The following SNX10 variants were observed in gnomAD, a reference collection of about 807,000 sequenced individuals.
The protein encoded by SNX10 is sorting nexin-10.
A neutral mutation model predicts 28.5 loss-of-function variants in SNX10; 25 were observed. The ratio of observed to expected loss-of-function variants is 0.88; its 90% CI spans 0.64 to 1.22. The LOEUF is 1.22. SNX10 is among the 50% of genes most tolerant of loss of function. The pLI, the probability that SNX10 is intolerant of heterozygous loss-of-function variation, is 0.00. For synonymous variants in SNX10, 62 were observed against 81.4 expected (o/e 0.76, Z 1.28); for missense variants, 223 against 242.6 (o/e 0.92, Z 0.54).
chr7:26,297,773 C>T (rs1017000037), intron 1 of SNX10, among the ~76,000 whole-genome samples: 2 of 152,114 alleles, frequency 1.3e-5, no homozygotes, highest in African/African-American at 2.4e-5. Flanking sequence ...ATGGCTGCAC[C>T]TCTGCCGCCT....
At chr7:26,296,460 G>T (rs1786116250) in intron 1 of SNX10, among the ~76,000 whole-genome samples, 1 of 152,150 alleles carries the variant, frequency 6.6e-6, no homozygotes, top group African/African-American at 2.4e-5. Context: ...AGGCTGCAGT[G>T]AGCCATGATC....
chr7:26,332,286 G>A (rs1350800353), intron 1 of SNX10, among the ~76,000 whole-genome samples: 1 of 152,204 alleles, frequency 6.6e-6, no homozygotes, highest in African/African-American at 2.4e-5. Flanking sequence ...ACTAGTAGGA[G>A]TAGAGTGGTA....
At chr7:26,292,764 A>C (rs1785976170) in intron 1 of SNX10, among the ~76,000 whole-genome samples, 1 of 152,252 alleles carries the variant, frequency 6.6e-6, no homozygotes, top group Non-Finnish European at 1.5e-5. Context: ...TGATGGTATC[A>C]GAAAATTAGA....
intron 2 of SNX10, among the ~76,000 whole-genome samples, chr7:26,355,166 G>T (rs1210272376): frequency 6.7e-6 from 1 of 150,342 alleles, no homozygotes; most frequent in Non-Finnish European, 1.5e-5. Flanking sequence ...TCTCCCTCTG[G>T]GTTTTCTGTT....
At position 26,305,567 on chromosome 7, in the gene SNX10, G is replaced by A. The variant is rs79349047; in HGVS notation, c.-24+13481G>A. Among the ~76,000 whole-genome samples, 94 of 152,226 alleles carry A rather than the reference G, an allele frequency of 6.2e-4. 1 individual carries two copies. In the East Asian group the frequency reaches 0.018, roughly 29 times the overall value. On this transcript the variant is annotated intron_variant, in intron 1 of 6. Transcript: ENST00000338523. ...TCTGGAATCTCACAGCAAACAACTT[G>A]GGGTCTCTTCATCAGCTTGTCTGCA...
intron 1 of SNX10, among the ~76,000 whole-genome samples, chr7:26,301,506 C>G (rs997928745): frequency 6.6e-6 from 1 of 152,004 alleles, no homozygotes; most frequent in Non-Finnish European, 1.5e-5. Flanking sequence ...GAGGGGGAAC[C>G]AAAGGGGGCA....
At chr7:26,315,027 A>G (rs1787020219) in intron 1 of SNX10, among the ~76,000 whole-genome samples, 1 of 140,288 alleles carries the variant, frequency 7.1e-6, no homozygotes, top group Admixed American at 7.2e-5. Flanking sequence ...CAAGGAAGGG[A>G]CTAGAAAGCA....
chr7:26,361,166 G>T, intron 3 of SNX10, 105 bp downstream of exon 3: 1 of 1,092,796 alleles, frequency 9.2e-7, no homozygotes. Flanking sequence ...TCAAATAACT[G>T]AATTTGAATG....
At chr7:26,358,812 T>TTTTTTTTG (rs1562817102) in intron 2 of SNX10, among the ~76,000 whole-genome samples, 2 of 146,130 alleles carry the variant, frequency 1.4e-5, no homozygotes, top group African/African-American at 5.2e-5. Context: ...TGTGTTTTTT[T>TTTTTTTTG]TTTTTTTTTT....
chr7:26,355,008 T>A (rs1788761967), intron 2 of SNX10, among the ~76,000 whole-genome samples: 2 of 152,216 alleles, frequency 1.3e-5, no homozygotes, highest in African/African-American at 2.4e-5. Context: ...GTGTTGATTT[T>A]TGTATAAGGT....
intron 1 of SNX10, among the ~76,000 whole-genome samples, chr7:26,311,279 A>G (rs1481440069): frequency 6.6e-6 from 1 of 152,182 alleles, no homozygotes; most frequent in Non-Finnish European, 1.5e-5. Flanking sequence ...CCTCCCAAGT[A>G]GCTGGGACTA....
chr7:26,333,316 T>G (rs1178997846), intron 1 of SNX10, among the ~76,000 whole-genome samples: 2 of 148,718 alleles, frequency 1.3e-5, no homozygotes, highest in African/African-American at 5.0e-5. Flanking sequence ...TCCTAGGTAT[T>G]TTATTCTTTT....
At chr7:26,294,645 T>C (rs554869519) in intron 1 of SNX10, among the ~76,000 whole-genome samples, 2 of 152,326 alleles carry the variant, frequency 1.3e-5, no homozygotes, top group East Asian at 3.9e-4. Flanking sequence ...TATTTATGAT[T>C]TCTCTAAACT....
At chr7:26,340,744 T>G (rs1488319455) in intron 1 of SNX10, among the ~76,000 whole-genome samples, 9 of 152,224 alleles carry the variant, frequency 5.9e-5, no homozygotes, top group Non-Finnish European at 2.9e-5. Context: ...TGTTGTTTGA[T>G]GTGGTTGTGC....
intron 1 of SNX10, among the ~76,000 whole-genome samples, chr7:26,336,457 A>C (rs1787951931): frequency 6.6e-6 from 1 of 152,136 alleles, no homozygotes; most frequent in South Asian, 2.1e-4. Flanking sequence ...TAATCCCTAC[A>C]CTTTGAGAGG....
At chr7:26,356,665 C>G (rs1337004750) in intron 2 of SNX10, among the ~76,000 whole-genome samples, 1 of 152,178 alleles carries the variant, frequency 6.6e-6, no homozygotes, top group Non-Finnish European at 1.5e-5. Context: ...TTAACTCCCA[C>G]TAGGCCAACA....
intron 1 of SNX10, among the ~76,000 whole-genome samples, chr7:26,312,581 C>T (rs75217055): frequency 0.1 from 15,299 of 152,132 alleles, 1,628 homozygotes; most frequent in East Asian, 0.3. Flanking sequence ...GTCAGGCGTT[C>T]GAGACCAGCC....
intron 1 of SNX10, among the ~76,000 whole-genome samples, chr7:26,333,932 A>C (rs1787834181): frequency 6.6e-6 from 1 of 152,202 alleles, no homozygotes; most frequent in South Asian, 2.1e-4. Flanking sequence ...CTGATGAGTG[A>C]GTAGCTGAAG....
chr7:26,303,362 C>G (rs528297753), intron 1 of SNX10, among the ~76,000 whole-genome samples: 8 of 152,314 alleles, frequency 5.3e-5, no homozygotes, highest in African/African-American at 1.9e-4. Flanking sequence ...GGCCCAAGTC[C>G]TCTAACTCCC....
Sources: allele counts gnomAD v4.1 joint callset (sites outside exome capture counted in the v4.1 genomes callset), GRCh38; gene constraint gnomAD v4.1.1; transcripts MANE v1.5; gene names NCBI Gene and HGNC (gene_info 2026-07-23, HGNC 2026-07-21).